Variants in KIAA0232 observed in about 807,000 individuals in gnomAD.
The protein encoded by KIAA0232 is uncharacterized protein KIAA0232.
A neutral mutation model predicts 122.0 loss-of-function variants in KIAA0232; 27 were observed. The ratio of observed to expected loss-of-function variants is 0.22; its 90% CI spans 0.16 to 0.31. The LOEUF (loss-of-function observed/expected upper bound fraction) is 0.31. KIAA0232 is among the 10% of genes least tolerant of loss of function. The probability of loss-of-function intolerance (pLI) is 1.00; values close to 1 mark genes in which losing one functional copy is unlikely to be tolerated. For synonymous variants in KIAA0232, 613 were observed against 587.6 expected (o/e 1.04, Z -0.63); for missense variants, 1,551 against 1,634.2 (o/e 0.95, Z 0.88).
In KIAA0232 at chr4:6,790,604, C is replaced by T. The variant is rs543786850; in HGVS notation, c.-354+7763C>T. ...TTTGCCATGTTGCCCAGGCTGATAT[C>T]AAACTCCTGGCCTCAAGCGATCCTC... is the stretch of plus-strand genomic sequence containing the variant. On this transcript the variant is annotated intron_variant, in intron 1 of 9. Coordinates refer to ENST00000307659, the MANE Select transcript of KIAA0232 (RefSeq NM_014743.3). Among the ~76,000 whole-genome samples, 5 of 152,006 alleles carry T rather than the reference C, an allele frequency of 3.3e-5. No homozygotes were observed. The South Asian group carries it at 8.3e-4, about 25-fold the overall frequency.
chr4:6,806,051 A>G (rs1461172660), intron 2 of KIAA0232, among the ~76,000 whole-genome samples: 1 of 152,024 alleles, frequency 6.6e-6, no homozygotes, highest in African/African-American at 2.4e-5. Flanking sequence ...AAGTGTATAC[A>G]TTTTCCTCTT....
At chr4:6,836,821 C>T (rs1210556432) in intron 3 of KIAA0232, among the ~76,000 whole-genome samples, 3 of 151,726 alleles carry the variant, frequency 2.0e-5, no homozygotes, top group East Asian at 3.8e-4. Flanking sequence ...TCCATTTAAC[C>T]CTTAGTGGAC....
intron 1 of KIAA0232, among the ~76,000 whole-genome samples, chr4:6,797,771 CAAAAA>C (rs963052887): frequency 1.3e-4 from 6 of 47,352 alleles, no homozygotes; most frequent in African/African-American, 2.2e-4. Flanking sequence ...CCCTGCCTCT[CAAAAA>C]AAAAAAAAAA....
chr4:6,804,107 C>T (rs1717508322), intron 1 of KIAA0232, among the ~76,000 whole-genome samples: 1 of 152,170 alleles, frequency 6.6e-6, no homozygotes, highest in Non-Finnish European at 1.5e-5. Context: ...AGATAAACAT[C>T]ACAGCTAGTA....
chr4:6,805,576 T>C (rs1717578256), intron 2 of KIAA0232, among the ~76,000 whole-genome samples: 1 of 152,154 alleles, frequency 6.6e-6, no homozygotes, highest in South Asian at 2.1e-4. Flanking sequence ...TTTACCTCAC[T>C]CATTGAAACT....
At chr4:6,813,224 T>C (rs576293705) in intron 2 of KIAA0232, among the ~76,000 whole-genome samples, 9 of 152,324 alleles carry the variant, frequency 5.9e-5, no homozygotes, top group African/African-American at 2.2e-4. Flanking sequence ...TGTGAACTTC[T>C]TCAAAACAAT....
At chr4:6,803,402 ACATGAATGTT>A (rs1717477047) in intron 1 of KIAA0232, among the ~76,000 whole-genome samples, 1 of 152,164 alleles carries the variant, frequency 6.6e-6, no homozygotes, top group Non-Finnish European at 1.5e-5. Context: ...AAACATTGAA[ACATGAATGTT>A]CAAGGGTCTG....
chr4:6,854,859 C>T (rs2108777469), intron 4 of KIAA0232, among the ~76,000 whole-genome samples: 1 of 151,946 alleles, frequency 6.6e-6, no homozygotes, highest in East Asian at 1.9e-4. Flanking sequence ...TATTGAATGG[C>T]CTTATGGATA....
At chr4:6,841,953 A>G in intron 3 of KIAA0232, 114 bp from the exon 4 acceptor site, 1 of 1,226,128 alleles carries the variant, frequency 8.2e-7, no homozygotes, top group Non-Finnish European at 1.1e-6. Context: ...AGCCGATCCT[A>G]AAACTCGTAT....
intron 2 of KIAA0232, among the ~76,000 whole-genome samples, chr4:6,805,145 G>A (rs1475279066): frequency 1.3e-5 from 2 of 152,128 alleles, no homozygotes; most frequent in Non-Finnish European, 2.9e-5. Context: ...TCCTTTAAAT[G>A]ATGACACTGT....
At chr4:6,823,697 T>G (rs944768376) in intron 2 of KIAA0232, among the ~76,000 whole-genome samples, 1 of 151,300 alleles carries the variant, frequency 6.6e-6, no homozygotes, top group Non-Finnish European at 1.5e-5. Flanking sequence ...AGAAACAAAA[T>G]TTTACTAGTC....
intron 1 of KIAA0232, among the ~76,000 whole-genome samples, chr4:6,791,106 G>A (rs1228615629): frequency 6.6e-6 from 1 of 150,884 alleles, no homozygotes; most frequent in Non-Finnish European, 1.5e-5. Flanking sequence ...TTTTAGTAGA[G>A]ATGGGGTTTT....
Position 6,862,512 on chromosome 4 carries a change from T to A in KIAA0232, c.2130T>A (p.Thr710=), listed in dbSNP as rs1224340676. Residue 710 remains threonine (T), a synonymous_variant, in exon 7 of 10, where the codon ACT becomes ACA. Transcript: ENST00000307659. ...NEHCSNLSTR[T]CSPWSHSEET... ...ACTGTTCTAATCTTTCAACAAGAAC[T>A]TGTAGTCCATGGTCCCATTCAGAAG... The A allele has an allele frequency of 6.2e-7, 1 of 1,613,862 alleles. No individual in the cohort carries two copies. Among genetic ancestry groups the A allele is most frequent in the Admixed American group, 1.7e-5 (1 of 59,968 alleles).
chr4:6,790,915 CTTTTTTTTTTTT>C (rs35766310), intron 1 of KIAA0232, among the ~76,000 whole-genome samples: 3 of 92,940 alleles, frequency 3.2e-5, no homozygotes, highest in Non-Finnish European at 6.1e-5. Flanking sequence ...TTTTTATATA[CTTTTTTTTTTTT>C]TTTTTTTTTT....
intron 3 of KIAA0232, among the ~76,000 whole-genome samples, chr4:6,833,486 C>T (rs1440563797): frequency 6.6e-6 from 1 of 151,886 alleles, no homozygotes; most frequent in Admixed American, 6.6e-5. Flanking sequence ...AAAAATTAGC[C>T]AGGCATGGTG....
intron 1 of KIAA0232, among the ~76,000 whole-genome samples, chr4:6,788,185 C>T (rs1716719869): frequency 6.6e-6 from 1 of 152,142 alleles, no homozygotes; most frequent in African/African-American, 2.4e-5. Flanking sequence ...CACATAACGC[C>T]TGGCTAATTT....
intron 2 of KIAA0232, among the ~76,000 whole-genome samples, chr4:6,812,256 T>C (rs991782242): frequency 1.3e-5 from 2 of 152,150 alleles, no homozygotes; most frequent in African/African-American, 4.8e-5. Context: ...AGTAGAACTT[T>C]TGTGATTATG....
rs1721032560 is a variant in KIAA0232 at position 6,863,983 on chromosome 4, A to G, written c.3601A>G (p.Ile1201Val). ...GGATTCCCAGGAGGAATCAACTGGG[A>G]TTCTTTCAGTAGGAAAGCAAAATCA... Reference protein sequence around the residue: ...SLDSQEESTGILSVGKQNQCL... With the variant: ...SLDSQEESTGVLSVGKQNQCL... The change falls in exon 7 of 10, where the codon ATT becomes GTT. Residue 1201 changes from isoleucine to valine, a missense_variant. By Grantham distance (29) the Ile-to-Val change is conservative. This residue lies in a region of KIAA0232 where 1,108 missense variants were observed against 1,154.8 expected (regional missense o/e 0.96). Coordinates refer to ENST00000307659, the MANE Select transcript of KIAA0232 (RefSeq NM_014743.3). 1 of 1,613,988 alleles carries G rather than the reference A, an allele frequency of 6.2e-7. No homozygotes were observed. Among genetic ancestry groups the G allele is most frequent in the African/African-American group, 1.3e-5 (1 of 74,930 alleles).
At chr4:6,830,016 A>G (rs1577379333) in intron 3 of KIAA0232, among the ~76,000 whole-genome samples, 1 of 152,206 alleles carries the variant, frequency 6.6e-6, no homozygotes, top group East Asian at 1.9e-4. Context: ...TCTCAGCATA[A>G]TGCATTCTTT....
Sources: gnomAD v4.1 joint callset for allele counts (sites outside exome capture counted in the v4.1 genomes callset) on GRCh38, gnomAD v4.1.1 for gene constraint, gnomAD v4.1.1 regional missense constraint, MANE v1.5 for transcripts, NCBI Gene and HGNC (gene_info 2026-07-23, HGNC 2026-07-21) for gene names.